Variants in ANO3 observed in about 807,000 individuals in gnomAD.
ANO3 encodes the protein anoctamin 3.
In ANO3, 99 loss-of-function variants were observed where a neutral mutation model predicts 144.8. The ratio of observed to expected loss-of-function variants is 0.68; its 90% confidence interval spans 0.58 to 0.81. The LOEUF is 0.81. Among genes scored for constraint, ANO3 ranks in the 30% least tolerant of loss-of-function variants. The pLI is 0.00. For synonymous variants in ANO3, 414 were observed against 392.6 expected (o/e 1.05, Z -0.64); for missense variants, 905 against 1,202.2 (o/e 0.75, Z 3.66).
intron 18 of ANO3, among the ~76,000 whole-genome samples, chr11:26,633,522 T>C (rs35495998): frequency 0.08 from 12,224 of 152,268 alleles, 510 homozygotes; most frequent in Admixed American, 0.13. Flanking sequence ...TTCAGAGAAC[T>C]CTGTGGACAG....
rs771466886 is a variant in ANO3 at position 26,643,186 on chromosome 11, G to A, written c.2280G>A (p.Leu760=). The change falls in exon 23 of 27, where the codon TTG becomes TTA. Residue 760 remains leucine (L), a synonymous_variant. Transcript: ENST00000256737. ...CCTAATGCTCTTCTTTTGCAGTTTT[G>A]CAATTTGGTTTTACCACCATCTTTG... The part of the protein sequence containing the change: ...GLMDEYLEMV[L]QFGFTTIFVA... The A allele has an allele frequency of 1.9e-6, 3 of 1,613,432 alleles. No individual in the cohort carries two copies. The highest frequency in any genetic ancestry group is 2.5e-6 in the Non-Finnish European group (3 of 1,179,846).
chr11:26,573,346 A>G (rs1850900170), intron 14 of ANO3, among the ~76,000 whole-genome samples: 1 of 152,218 alleles, frequency 6.6e-6, no homozygotes, highest in South Asian at 2.1e-4. Flanking sequence ...CTCAAAAGAT[A>G]TTTAAGCTGT....
chr11:26,522,531 C>A (rs373633574), intron 6 of ANO3, among the ~76,000 whole-genome samples: 3 of 152,054 alleles, frequency 2.0e-5, no homozygotes, highest in African/African-American at 4.8e-5. Context: ...AATAGCAGAA[C>A]CTTTCAAATG....
intron 24 of ANO3, among the ~76,000 whole-genome samples, chr11:26,651,877 G>A (rs544725837): frequency 6.6e-5 from 10 of 152,274 alleles, no homozygotes; most frequent in African/African-American, 2.4e-4. Flanking sequence ...ATGTTTTAAG[G>A]TTGTTGTAAA....
chr11:26,248,529 G>A (rs563274102), intron 1 of ANO3, among the ~76,000 whole-genome samples: 172 of 152,156 alleles, frequency 1.1e-3, no homozygotes, highest in African/African-American at 4.0e-3. Context: ...TTTAAAATGT[G>A]TCAAATGGTA....
chr11:26,439,658 C>G (rs911430594), intron 1 of ANO3, among the ~76,000 whole-genome samples: 4 of 151,918 alleles, frequency 2.6e-5, no homozygotes, highest in Non-Finnish European at 5.9e-5. Context: ...CTTTTAACTC[C>G]GAAAAGTCTG....
intron 1 of ANO3, among the ~76,000 whole-genome samples, chr11:26,207,728 C>CAACA (rs555726762): frequency 1.3e-5 from 2 of 151,790 alleles, no homozygotes; most frequent in Non-Finnish European, 2.9e-5. Context: ...AACTAGATTA[C>CAACA]AGTAAAACTG....
chr11:26,570,430 G>A (rs2063278), intron 14 of ANO3, among the ~76,000 whole-genome samples: 90,373 of 151,854 alleles, frequency 0.6, 27,634 homozygotes, highest in South Asian at 0.69. Flanking sequence ...TGTTGAAATC[G>A]TGGGTCATAC....
At chr11:26,402,627 A>G (rs991043016) in intron 1 of ANO3, among the ~76,000 whole-genome samples, 1 of 151,922 alleles carries the variant, frequency 6.6e-6, no homozygotes, top group African/African-American at 2.4e-5. Context: ...TGAATACCAC[A>G]TCTTCTCACT....
intron 1 of ANO3, among the ~76,000 whole-genome samples, chr11:26,412,140 A>G (rs895774146): frequency 1.3e-5 from 2 of 152,190 alleles, no homozygotes; most frequent in African/African-American, 2.4e-5. Flanking sequence ...TGAATATTCC[A>G]TAGGATTTGG....
chr11:26,499,521 T>G (rs1861103735), intron 4 of ANO3, among the ~76,000 whole-genome samples: 1 of 25,730 alleles, frequency 3.9e-5, no homozygotes, highest in Non-Finnish European at 1.3e-4. Context: ...AATTAACTTA[T>G]TTTTTTAGTG....
At chr11:26,559,635 T>A in intron 13 of ANO3, 84 bp from the exon 14 acceptor site, 5 of 921,408 alleles carry the variant, frequency 5.4e-6, no homozygotes, top group South Asian at 5.4e-5. Flanking sequence ...TGAGAAAAAA[T>A]CATAGTACCT....
intron 1 of ANO3, among the ~76,000 whole-genome samples, chr11:26,281,670 T>C (rs1853682095): frequency 6.6e-6 from 1 of 152,196 alleles, no homozygotes; most frequent in Non-Finnish European, 1.5e-5. Context: ...TAAATAAAAA[T>C]ATTTTGTCAG....
At chr11:26,307,448 C>T (rs1428701304), upstream of ANO3, among the ~76,000 whole-genome samples, 4 of 152,026 alleles carry the variant, frequency 2.6e-5, no homozygotes, top group African/African-American at 9.7e-5. Context: ...CGCCTGTAAT[C>T]CCAGCACTTT....
intron 1 of ANO3, among the ~76,000 whole-genome samples, chr11:26,266,122 T>A (rs1315209852): frequency 6.6e-6 from 1 of 152,182 alleles, no homozygotes; most frequent in African/African-American, 2.4e-5. Context: ...CCAGAACCTA[T>A]CAAATGCCTC....
intron 1 of ANO3, among the ~76,000 whole-genome samples, chr11:26,300,402 T>C (rs1027407334): frequency 1.3e-5 from 2 of 152,166 alleles, no homozygotes; most frequent in Non-Finnish European, 2.9e-5. Context: ...CCCCCCATTT[T>C]ATAGCATTTG....
chr11:26,642,919 G>A (rs1853217157), intron 22 of ANO3, among the ~76,000 whole-genome samples: 1 of 151,182 alleles, frequency 6.6e-6, no homozygotes, highest in Non-Finnish European at 1.5e-5. Context: ...TCTCCTTCGT[G>A]CTGCATTATA....
At chr11:26,375,975 A>G (rs1856395075) in intron 1 of ANO3, among the ~76,000 whole-genome samples, 3 of 152,202 alleles carry the variant, frequency 2.0e-5, no homozygotes, top group Admixed American at 1.3e-4. Context: ...AAAAGTGTGC[A>G]TTCCAAAATA....
intron 1 of ANO3, among the ~76,000 whole-genome samples, chr11:26,226,928 G>C (rs978538737): frequency 6.6e-6 from 1 of 151,986 alleles, no homozygotes; most frequent in Non-Finnish European, 1.5e-5. Flanking sequence ...GTACTCATTA[G>C]ATAATATCCT....
Sources: gnomAD v4.1 joint callset for allele counts (sites outside exome capture counted in the v4.1 genomes callset) on GRCh38, gnomAD v4.1.1 for gene constraint, MANE v1.5 for transcripts, NCBI Gene and HGNC (gene_info 2026-07-23, HGNC 2026-07-21) for gene names.